DOCK8: variants seen among roughly 807,000 people sequenced by gnomAD.
DOCK8 encodes the protein dedicator of cytokinesis protein 8.
In DOCK8, 141 loss-of-function variants were observed where a neutral mutation model predicts 245.6. That is an observed-to-expected ratio of 0.57 (90% CI 0.50 to 0.66). The LOEUF is 0.66. DOCK8 is among the 30% of genes least tolerant of loss of function. DOCK8 has a pLI of 0.00. For missense variants in DOCK8, 2,965 were observed against 2,603.4 expected, an observed-to-expected ratio of 1.14 and a Z score of -3.02; for synonymous variants, 1,168 against 970.2, an observed-to-expected ratio of 1.20 and a Z score of -3.79.
At chr9:402,842 T>G (rs2055175946) in intron 26 of DOCK8, among the ~76,000 whole-genome samples, 1 of 152,230 alleles carries the variant, frequency 6.6e-6, no homozygotes, top group African/African-American at 2.4e-5. Flanking sequence ...GTTTTTGGAA[T>G]GCACCTTACT....
intron 26 of DOCK8, among the ~76,000 whole-genome samples, chr9:400,709 TCCACCA>T (rs2054924324): frequency 2.5e-5 from 1 of 40,168 alleles, no homozygotes; most frequent in Non-Finnish European, 4.3e-5. Context: ...CACCACCACC[TCCACCA>T]TCACCACCAC....
chr9:402,206 C>G (rs1171649957), intron 26 of DOCK8, among the ~76,000 whole-genome samples: 2 of 152,160 alleles, frequency 1.3e-5, no homozygotes, highest in Non-Finnish European at 2.9e-5. Flanking sequence ...TTCTCTTTCT[C>G]TTTCCTTTCT....
At chr9:333,085 C>A (rs2130865157) in intron 10 of DOCK8, among the ~76,000 whole-genome samples, 2 of 152,296 alleles carry the variant, frequency 1.3e-5, no homozygotes, top group Middle Eastern at 3.4e-3. Context: ...TCTGACTCAG[C>A]TGGTTGGGAG....
intron 14 of DOCK8, among the ~76,000 whole-genome samples, chr9:347,111 C>G (rs145407509): frequency 2.0e-5 from 3 of 152,098 alleles, no homozygotes; most frequent in Non-Finnish European, 4.4e-5. Context: ...CACTGGTGGT[C>G]TGACACTCTC....
At chr9:400,088 CCACCAT>C (rs2054733616) in intron 26 of DOCK8, among the ~76,000 whole-genome samples, 1 of 112,264 alleles carries the variant, frequency 8.9e-6, no homozygotes, top group African/African-American at 4.3e-5. Flanking sequence ...ACCACCACCT[CCACCAT>C]CACCACCACC....
chr9:273,039 G>A (rs988262007), intron 2 of DOCK8: 8 of 985,130 alleles, frequency 8.1e-6, no homozygotes, highest in South Asian at 4.7e-5. Flanking sequence ...CTCAGTTTCC[G>A]GTAACCGCCA....
At chr9:277,455 AAGAGAGAAG>A (rs2048392314) in intron 2 of DOCK8, among the ~76,000 whole-genome samples, 1 of 70,424 alleles carries the variant, frequency 1.4e-5, no homozygotes, top group Admixed American at 1.6e-4. Flanking sequence ...GGAGAAGAGA[AAGAGAGAAG>A]AGAAGAGAAG....
intron 1 of DOCK8, among the ~76,000 whole-genome samples, chr9:225,082 A>G (rs1433673130): frequency 1.3e-5 from 2 of 152,174 alleles, no homozygotes; most frequent in African/African-American, 2.4e-5. Flanking sequence ...AATCAACAAG[A>G]TATTTTATTG....
chr9:374,737 A>ATT (rs1321436484), intron 18 of DOCK8, among the ~76,000 whole-genome samples: 1 of 151,104 alleles, frequency 6.6e-6, no homozygotes, highest in Admixed American at 6.6e-5. Flanking sequence ...AAGTCCTGGG[A>ATT]TTATAGGTGT....
At chr9:273,832 G>A (rs557793118) in intron 2 of DOCK8, among the ~76,000 whole-genome samples, 1 of 150,948 alleles carries the variant, frequency 6.6e-6, no homozygotes, top group Non-Finnish European at 1.5e-5. Flanking sequence ...TCAGCCTCCC[G>A]AGTAGCTGGG....
At chr9:301,342 C>G (rs1381036216) in intron 4 of DOCK8, among the ~76,000 whole-genome samples, 5 of 152,158 alleles carry the variant, frequency 3.3e-5, no homozygotes, top group African/African-American at 1.2e-4. Context: ...GAACATACCT[C>G]AAAATAATAA....
intron 1 of DOCK8, among the ~76,000 whole-genome samples, chr9:258,275 A>G (rs1176537379): frequency 2.0e-5 from 3 of 152,360 alleles, no homozygotes; most frequent in Middle Eastern, 6.8e-3. Context: ...CATGCTGCTA[A>G]TTCACTGCCT....
At chr9:238,327 G>C (rs940318623) in intron 1 of DOCK8, among the ~76,000 whole-genome samples, 1 of 152,128 alleles carries the variant, frequency 6.6e-6, no homozygotes, top group Non-Finnish European at 1.5e-5. Context: ...AAATCAAAGA[G>C]TGCTAAAGAC....
chr9:408,084 C>A (rs767128888), intron 28 of DOCK8, among the ~76,000 whole-genome samples: 1 of 152,200 alleles, frequency 6.6e-6, no homozygotes, highest in South Asian at 2.1e-4. Flanking sequence ...CCCATGACTC[C>A]TATGCTAAAG....
At chr9:387,212 G>C (rs2053990801) in intron 23 of DOCK8, among the ~76,000 whole-genome samples, 1 of 152,292 alleles carries the variant, frequency 6.6e-6, no homozygotes, top group South Asian at 2.1e-4. Flanking sequence ...CGGAGGCCGA[G>C]GTGGGTGGAT....
intron 15 of DOCK8, chr9:368,684 G>A (rs114477755): frequency 0.052 from 7,838 of 150,254 alleles, 651 homozygotes; most frequent in African/African-American, 0.18. Flanking sequence ...TATATAAAAT[G>A]CAGTGTGCTC....
chr9:256,411 G>A (rs1440158542), intron 1 of DOCK8, among the ~76,000 whole-genome samples: 2 of 152,162 alleles, frequency 1.3e-5, no homozygotes, highest in Non-Finnish European at 2.9e-5. Flanking sequence ...TACCCAATTC[G>A]TTTCTGCTTC....
rs563419722 is a variant in DOCK8, at chr9:291,907, A to T, written c.404+2326A>T. On this transcript the variant is annotated intron_variant, in intron 4 of 47. Transcript: ENST00000432829. ...TATACAGAGACCCCACCTCTAAAAA[A>T]ATTTTTTAAAAAATTAACTGGATAT... Among the ~76,000 whole-genome samples, 7 of 151,622 alleles carry T rather than the reference A, an allele frequency of 4.6e-5. No individual in the cohort carries two copies. In the East Asian group the frequency reaches 5.8e-4, roughly 13 times the overall value.
intron 1 of DOCK8, among the ~76,000 whole-genome samples, chr9:253,325 AG>A (rs1344064029): frequency 6.6e-6 from 1 of 152,220 alleles, no homozygotes; most frequent in Non-Finnish European, 1.5e-5. Context: ...GGGAATTACA[AG>A]CATAGCAAGT....
Sources: allele counts gnomAD v4.1 joint callset (sites outside exome capture counted in the v4.1 genomes callset), GRCh38; gene constraint gnomAD v4.1.1; transcripts MANE v1.5; gene names NCBI Gene and HGNC (gene_info 2026-07-23, HGNC 2026-07-21).